The following MLIP variants were observed in gnomAD, a reference collection of about 807,000 sequenced individuals.
MLIP encodes muscular LMNA interacting protein.
A neutral mutation model predicts 84.8 loss-of-function variants in MLIP; 79 were observed. That is an observed-to-expected ratio of 0.93 (90% confidence interval 0.78 to 1.12). MLIP has a LOEUF of 1.12. Ranked by LOEUF, MLIP falls within the 50% of genes most tolerant of loss-of-function variation. The pLI is 0.00. For missense variants in MLIP, 1,257 were observed against 1,160.6 expected, an observed-to-expected ratio of 1.08 and a Z score of -1.21; for synonymous variants, 504 against 463.0, an observed-to-expected ratio of 1.09 and a Z score of -1.14.
chr6:54,121,432 C>T lies in MLIP; in HGVS notation c.97-15C>T. The T allele has an allele frequency of 6.2e-7, 1 of 1,612,502 alleles. No individual in the cohort carries two copies. Among genetic ancestry groups the T allele is most frequent in the Non-Finnish European group, 8.5e-7 (1 of 1,179,564 alleles). ...TTGACAAGGCTGAAAGTCTAATTAA[C>T]TACATGTCTCATAGGTCTCTGCTGG... On this transcript the variant is annotated splice_polypyrimidine_tract_variant and intron_variant, in intron 1 of 13. Transcript: ENST00000502396.
intron 1 of MLIP, chr6:54,029,177 C>G (rs997972850): frequency 7.9e-5 from 12 of 152,126 alleles, no homozygotes; most frequent in African/African-American, 2.9e-4. Context: ...ATGATGGGTG[C>G]TATGGAACAT....
intron 1 of MLIP, among the ~76,000 whole-genome samples, chr6:54,031,877 C>G (rs1173666856): frequency 6.6e-6 from 1 of 152,138 alleles, no homozygotes; most frequent in Non-Finnish European, 1.5e-5. Context: ...TGCTGGCATG[C>G]TTGTTGCTGG....
At chr6:54,115,627 G>C (rs1336979942) in intron 1 of MLIP, among the ~76,000 whole-genome samples, 1 of 152,146 alleles carries the variant, frequency 6.6e-6, no homozygotes, top group Non-Finnish European at 1.5e-5. Flanking sequence ...AAAGCATTGG[G>C]TTAAGAAGCG....
chr6:54,075,558 G>A (rs1256804621), intron 1 of MLIP, among the ~76,000 whole-genome samples: 1 of 152,128 alleles, frequency 6.6e-6, no homozygotes, highest in Admixed American at 6.5e-5. Context: ...TTACTCCATA[G>A]ATATTAGTGC....
At chr6:54,193,295 ACT>A (rs1489736963) in intron 10 of MLIP, among the ~76,000 whole-genome samples, 1 of 152,062 alleles carries the variant, frequency 6.6e-6, no homozygotes, top group Non-Finnish European at 1.5e-5. Flanking sequence ...TGGAATAACG[ACT>A]CTGTCAGCCT....
intron 5 of MLIP, among the ~76,000 whole-genome samples, chr6:54,155,365 T>C (rs1210005556): frequency 1.3e-5 from 2 of 152,134 alleles, no homozygotes; most frequent in Non-Finnish European, 2.9e-5. Context: ...TTCTACCAAA[T>C]AGCAGGTCAT....
rs1778596315 is a variant in MLIP at position 54,200,483 on chromosome 6, A to C, written c.2590-1622A>C. Among the ~76,000 whole-genome samples, 2 of 151,994 alleles carry C rather than the reference A, an allele frequency of 1.3e-5. 1 individual carries two copies. The highest frequency in any genetic ancestry group is 1.3e-4 in the Admixed American group (2 of 15,262). On this transcript the variant is annotated intron_variant, in intron 10 of 13. Coordinates refer to ENST00000502396, the MANE Select transcript of MLIP (RefSeq NM_001281747.2). ...GTGCAGGAATAGGAGAAGAAGAAAGAAGAAATGAAGCAGGAAGTCAAATGA... is the reference window on the plus strand; with the variant it reads ...GTGCAGGAATAGGAGAAGAAGAAAGCAGAAATGAAGCAGGAAGTCAAATGA...
chr6:54,249,799 A>C (rs551832555), intron 12 of MLIP, among the ~76,000 whole-genome samples: 1 of 151,730 alleles, frequency 6.6e-6, no homozygotes, highest in Admixed American at 6.6e-5. Flanking sequence ...ATATATGTTT[A>C]TTTACTTTTA....
At chr6:54,019,208 C>T (rs1763364462) in intron 1 of MLIP, 7 of 994,320 alleles carry the variant, frequency 7.0e-6, no homozygotes, top group Non-Finnish European at 1.1e-5. Flanking sequence ...TTTTGCTGGT[C>T]AATAACTTTA....
At chr6:54,082,752 T>G (rs972151418) in intron 1 of MLIP, among the ~76,000 whole-genome samples, 1 of 8,788 alleles carries the variant, frequency 1.1e-4, no homozygotes, top group Admixed American at 2.1e-3. Flanking sequence ...AGATTGAATA[T>G]CTTTCATTTT....
chr6:54,261,010 GA>G (rs1304542021), intron 13 of MLIP, among the ~76,000 whole-genome samples: 1 of 151,938 alleles, frequency 6.6e-6, no homozygotes, highest in Admixed American at 6.6e-5. Context: ...CATTTTCAAA[GA>G]AGAATACTTT....
At chr6:54,060,772 A>C (rs1765920588) in intron 1 of MLIP, among the ~76,000 whole-genome samples, 1 of 152,174 alleles carries the variant, frequency 6.6e-6, no homozygotes, top group Non-Finnish European at 1.5e-5. Flanking sequence ...GAGTTAGAAA[A>C]GATAGAAGGA....
At chr6:54,215,006 C>A in intron 11 of MLIP, 2 of 579,706 alleles carry the variant, frequency 3.5e-6, no homozygotes, top group Non-Finnish European at 5.9e-6. Flanking sequence ...GAGACGATAT[C>A]CCTCCCTCAT....
chr6:54,243,305 C>A (rs1034389127), intron 12 of MLIP, among the ~76,000 whole-genome samples: 1 of 152,034 alleles, frequency 6.6e-6, no homozygotes, highest in Admixed American at 6.6e-5. Context: ...CATAGACATA[C>A]AGAAAAGGAA....
At chr6:54,139,935 G>T (rs1246618122) in intron 4 of MLIP, among the ~76,000 whole-genome samples, 1 of 152,078 alleles carries the variant, frequency 6.6e-6, no homozygotes, top group Non-Finnish European at 1.5e-5. Context: ...ATGTATTGGA[G>T]ATTAAGTCCT....
chr6:54,033,183 A>G (rs534796127), intron 1 of MLIP, among the ~76,000 whole-genome samples: 2 of 152,258 alleles, frequency 1.3e-5, no homozygotes, highest in African/African-American at 4.8e-5. Flanking sequence ...TCCATGTTCT[A>G]AGAAATAGGT....
At chr6:54,074,735 T>G (rs898314842) in intron 1 of MLIP, among the ~76,000 whole-genome samples, 1 of 152,178 alleles carries the variant, frequency 6.6e-6, no homozygotes, top group African/African-American at 2.4e-5. Flanking sequence ...GTGTCATCTG[T>G]TAGTTATGCT....
intron 1 of MLIP, among the ~76,000 whole-genome samples, chr6:54,034,573 G>T (rs537155347): frequency 2.9e-4 from 44 of 152,070 alleles, no homozygotes; most frequent in African/African-American, 9.4e-4. Flanking sequence ...ATTAAAAATA[G>T]AAAAAAGCTT....
At chr6:54,101,447 G>A (rs558236820) in intron 1 of MLIP, among the ~76,000 whole-genome samples, 1 of 152,140 alleles carries the variant, frequency 6.6e-6, no homozygotes, top group South Asian at 2.1e-4. Flanking sequence ...ATCTTATGAG[G>A]TTCAGATGCT....
Sources: allele counts gnomAD v4.1 joint callset (sites outside exome capture counted in the v4.1 genomes callset), GRCh38; gene constraint gnomAD v4.1.1; transcripts MANE v1.5; gene names NCBI Gene and HGNC (gene_info 2026-07-23, HGNC 2026-07-21).